The following AKT3 variants were observed in gnomAD, a reference collection of about 807,000 sequenced individuals.
The protein encoded by AKT3 is RAC-gamma serine/threonine-protein kinase.
A neutral mutation model predicts 65.3 loss-of-function variants in AKT3; 15 were observed. The ratio of observed to expected loss-of-function variants is 0.23; its 90% CI spans 0.15 to 0.35. AKT3 has a LOEUF of 0.35. AKT3 is among the 10% of genes least tolerant of loss of function. The probability of loss-of-function intolerance (pLI) is 1.00; values close to 1 mark genes in which losing one functional copy is unlikely to be tolerated. For synonymous variants in AKT3, 206 were observed against 183.8 expected (o/e 1.12, Z -0.98); for missense variants, 243 against 576.5 (o/e 0.42, Z 5.92).
upstream of AKT3, chr1:243,851,054 A>T (rs1695768729): frequency 6.6e-6 from 1 of 152,352 alleles, no homozygotes; most frequent in Admixed American, 6.5e-5. Context: ...CGCACCTGGA[A>T]GCCCACGAAG....
intron 2 of AKT3, among the ~76,000 whole-genome samples, chr1:243,823,918 A>T (rs1157975462): frequency 6.6e-6 from 1 of 152,194 alleles, no homozygotes; most frequent in Non-Finnish European, 1.5e-5. Context: ...TTTAAAATTC[A>T]TATGGAACCA....
chr1:243,575,793 A>G (rs1674896782), intron 8 of AKT3, among the ~76,000 whole-genome samples: 1 of 152,160 alleles, frequency 6.6e-6, no homozygotes, highest in Non-Finnish European at 1.5e-5. Flanking sequence ...ATCCATTTGT[A>G]TTTCCAACAC....
At chr1:243,836,111 A>T (rs576389796) in intron 2 of AKT3, among the ~76,000 whole-genome samples, 2 of 152,234 alleles carry the variant, frequency 1.3e-5, no homozygotes, top group African/African-American at 2.4e-5. Context: ...TAGATTTTTT[A>T]AAAAAGACAC....
chr1:243,595,362 T>C (rs1252784400), intron 8 of AKT3, among the ~76,000 whole-genome samples: 1 of 152,188 alleles, frequency 6.6e-6, no homozygotes, highest in Non-Finnish European at 1.5e-5. Flanking sequence ...AGTGAGTGAG[T>C]GGCGAGTGAA....
chr1:243,589,621 T>C (rs890495150), intron 8 of AKT3, among the ~76,000 whole-genome samples: 1 of 152,150 alleles, frequency 6.6e-6, no homozygotes, highest in Non-Finnish European at 1.5e-5. Context: ...GAAAACAGTA[T>C]GGAGGCTCCA....
intron 8 of AKT3, among the ~76,000 whole-genome samples, chr1:243,609,334 C>CTGTGTGTGTGTGTGTGTG (rs72249798): frequency 6.8e-6 from 1 of 148,070 alleles, no homozygotes; most frequent in South Asian, 2.2e-4. Flanking sequence ...TTTTCATTTT[C>CTGTGTGTGTGTGTGTGTG]TGTGTGTGTG....
intron 2 of AKT3, among the ~76,000 whole-genome samples, chr1:243,742,902 A>G (rs529265551): frequency 2.0e-5 from 3 of 151,488 alleles, no homozygotes; most frequent in Middle Eastern, 3.4e-3. Context: ...AAACTCTGTT[A>G]GGTTACTTAA....
At chr1:243,710,937 T>G (rs574167525) in intron 2 of AKT3, among the ~76,000 whole-genome samples, 11 of 152,310 alleles carry the variant, frequency 7.2e-5, no homozygotes, top group African/African-American at 2.6e-4. Flanking sequence ...AAATACAGCT[T>G]AAGTACTGGC....
At chr1:243,800,609 T>G (rs1025472697) in intron 2 of AKT3, among the ~76,000 whole-genome samples, 1 of 151,880 alleles carries the variant, frequency 6.6e-6, no homozygotes, top group African/African-American at 2.4e-5. Flanking sequence ...TCCCAGCTAC[T>G]CGGGAGGCTG....
intron 8 of AKT3, among the ~76,000 whole-genome samples, chr1:243,588,388 A>G (rs532785834): frequency 6.6e-6 from 1 of 152,330 alleles, no homozygotes; most frequent in Admixed American, 6.5e-5. Context: ...CATTCAGTAG[A>G]TATCTCAAGA....
At chr1:243,833,459 T>TCATGAGAACTCGATAA (rs1190948101) in intron 2 of AKT3, among the ~76,000 whole-genome samples, 3 of 151,986 alleles carry the variant, frequency 2.0e-5, no homozygotes, top group Non-Finnish European at 4.4e-5. Flanking sequence ...CCATCAGATC[T>TCATGAGAACTCGATAA]CATGAGAACT....
intron 8 of AKT3, among the ~76,000 whole-genome samples, chr1:243,607,635 T>C (rs1226772197): frequency 1.3e-5 from 2 of 152,312 alleles, no homozygotes; most frequent in African/African-American, 4.8e-5. Flanking sequence ...TTTTGGGATA[T>C]TGCTGAAATG....
intron 2 of AKT3, among the ~76,000 whole-genome samples, chr1:243,799,560 A>G (rs918311361): frequency 3.3e-5 from 5 of 152,190 alleles, no homozygotes; most frequent in African/African-American, 1.2e-4. Flanking sequence ...GACTAGGGGT[A>G]GGGGATGATA....
At chr1:243,655,056 T>C (rs1681659774) in intron 4 of AKT3, among the ~76,000 whole-genome samples, 1 of 152,312 alleles carries the variant, frequency 6.6e-6, no homozygotes, top group African/African-American at 2.4e-5. Context: ...GCTCCAGTTA[T>C]ATATATGTAA....
At chr1:243,659,609 T>C (rs1231766160) in intron 4 of AKT3, among the ~76,000 whole-genome samples, 1 of 152,134 alleles carries the variant, frequency 6.6e-6, no homozygotes, top group Non-Finnish European at 1.5e-5. Context: ...CGCAAATATG[T>C]ATATGTGTTA....
At position 243,836,470 on chromosome 1, in the gene AKT3, GA is replaced by G. The variant is rs550274622; in HGVS notation, c.46+6654del. Among the ~76,000 whole-genome samples, 273 of 135,522 alleles carry G rather than the reference GA, an allele frequency of 2.0e-3. 4 individuals are homozygous for G. Among genetic ancestry groups the G allele is most frequent in the East Asian group, 0.016 (71 of 4,524 alleles). 88.9% of individuals were successfully genotyped at this position (135,522 alleles called of 152,430 possible). A position where few individuals can be genotyped will look rare whatever the true frequency, so the allele number is the denominator to read the frequency against. ...ATAACACTGAGTCACAGAACTAGAGGAAAAAAAAAAAACGAGTCAGTGAAGA... is the reference window on the plus strand; with the variant it reads ...ATAACACTGAGTCACAGAACTAGAGGAAAAAAAAAAACGAGTCAGTGAAGA... On this transcript the variant is annotated intron_variant, in intron 2 of 13. Coordinates refer to ENST00000673466, the MANE Select transcript of AKT3 (RefSeq NM_005465.7).
intron 8 of AKT3, among the ~76,000 whole-genome samples, chr1:243,602,237 T>G (rs1053405581): frequency 6.6e-6 from 1 of 152,176 alleles, no homozygotes; most frequent in Non-Finnish European, 1.5e-5. Context: ...AATTATATAC[T>G]AAAAATGCTT....
intron 4 of AKT3, among the ~76,000 whole-genome samples, chr1:243,650,785 A>G (rs1681246611): frequency 6.6e-6 from 1 of 152,192 alleles, no homozygotes; most frequent in African/African-American, 2.4e-5. Context: ...TACTAGTAGC[A>G]TGCTGTTTTT....
chr1:243,742,059 TA>T (rs36056068), intron 2 of AKT3, among the ~76,000 whole-genome samples: 25,027 of 125,540 alleles, frequency 0.2, 2,495 homozygotes, highest in East Asian at 0.34. Flanking sequence ...GATAGAAAAT[TA>T]AAAAAAAAAA....
Sources: gnomAD v4.1 joint callset for allele counts (sites outside exome capture counted in the v4.1 genomes callset) on GRCh38, gnomAD v4.1.1 for gene constraint, MANE v1.5 for transcripts, NCBI Gene and HGNC (gene_info 2026-07-23, HGNC 2026-07-21) for gene names.